The following PUM1 variants were observed in gnomAD, a reference collection of about 807,000 sequenced individuals.
PUM1 encodes the protein pumilio homolog 1.
In PUM1, 13 loss-of-function variants were observed where a neutral mutation model predicts 131.8. The ratio of observed to expected loss-of-function variants is 0.10; its 90% CI spans 0.06 to 0.16. The LOEUF (loss-of-function observed/expected upper bound fraction) is 0.16. Ranked by LOEUF, PUM1 falls within the 10% of genes least tolerant of loss-of-function variation. The pLI is 1.00. For synonymous variants in PUM1, 509 were observed against 556.5 expected (o/e 0.91, Z 1.20); for missense variants, 961 against 1,512.4 (o/e 0.64, Z 6.05).
intron 3 of PUM1, among the ~76,000 whole-genome samples, chr1:31,018,784 T>G (rs976025140): frequency 6.6e-6 from 1 of 152,186 alleles, no homozygotes; most frequent in African/African-American, 2.4e-5. Flanking sequence ...GTTCTTTTAA[T>G]TAGGAATCTA....
chr1:31,061,959 A>C (rs1181042945), intron 1 of PUM1: 1 of 152,250 alleles, frequency 6.6e-6, no homozygotes, highest in Non-Finnish European at 1.5e-5. Flanking sequence ...AAGCTTCAAC[A>C]CGGTAATAGT....
chr1:30,974,520 G>GAC, intron 10 of PUM1, 131 bp downstream of exon 10: 1 of 882,850 alleles, frequency 1.1e-6, no homozygotes, highest in Non-Finnish European at 1.7e-6. Flanking sequence ...CCTGAACTCA[G>GAC]ACACACATAT....
In PUM1 at chr1:30,933,382, G is replaced by A. The variant is rs547249585; in HGVS notation, c.3436-40C>T. ...CAGTCTGTGTTACATGGCCTGAGAT[G>A]AGACTTGGGGGCAGGCTTCCCGGAC... On this transcript the variant is annotated intron_variant, in intron 21 of 21. Transcript: ENST00000426105. The A allele has an allele frequency of 4.4e-6, 7 of 1,599,894 alleles. No individual in the cohort carries two copies. In the East Asian group the frequency reaches 1.6e-4, roughly 36 times the overall value.
At chr1:30,985,267 C>G (rs994133202) in intron 7 of PUM1, among the ~76,000 whole-genome samples, 3 of 152,124 alleles carry the variant, frequency 2.0e-5, no homozygotes, top group Non-Finnish European at 4.4e-5. Flanking sequence ...AGACTCAGCC[C>G]TTCTGAGAGT....
intron 3 of PUM1, among the ~76,000 whole-genome samples, chr1:31,014,349 T>TA (rs1174796592): frequency 1.5e-4 from 16 of 109,488 alleles, no homozygotes; most frequent in African/African-American, 4.0e-4. Flanking sequence ...CTTGTAAAAA[T>TA]AAAAAAAAGT....
At chr1:31,048,170 C>CA (rs1190764346) in intron 2 of PUM1, among the ~76,000 whole-genome samples, 1 of 150,736 alleles carries the variant, frequency 6.6e-6, no homozygotes, top group Non-Finnish European at 1.5e-5. Context: ...ACCCAGGAGG[C>CA]AGAGCTTGCA....
chr1:31,004,684 C>T (rs1273378856), intron 5 of PUM1, among the ~76,000 whole-genome samples: 1 of 152,164 alleles, frequency 6.6e-6, no homozygotes, highest in Non-Finnish European at 1.5e-5. Flanking sequence ...AAGAACTGTA[C>T]TTGACACTTG....
At chr1:30,953,578 A>G in intron 15 of PUM1, 136 bp downstream of exon 15, 1 of 901,814 alleles carries the variant, frequency 1.1e-6, no homozygotes, top group Non-Finnish European at 1.7e-6. Context: ...CCTATGAAAT[A>G]ATGTGATGCA....
chr1:30,950,087 A>G (rs2124408868), intron 17 of PUM1, 40 bp downstream of exon 17: 1 of 1,595,122 alleles, frequency 6.3e-7, no homozygotes, highest in South Asian at 1.1e-5. Flanking sequence ...ACCATGGAGA[A>G]ACATCAAACA....
intron 20 of PUM1, among the ~76,000 whole-genome samples, chr1:30,937,388 C>T (rs1396190081): frequency 6.6e-6 from 1 of 152,156 alleles, no homozygotes; most frequent in Non-Finnish European, 1.5e-5. Flanking sequence ...TGCCTGTAAT[C>T]CCAGCTACTT....
At chr1:31,015,401 G>T (rs954007064) in intron 3 of PUM1, among the ~76,000 whole-genome samples, 1 of 151,184 alleles carries the variant, frequency 6.6e-6, no homozygotes, top group African/African-American at 2.4e-5. Flanking sequence ...GAGTGCAGTG[G>T]CATGATCTCG....
At chr1:31,011,164 T>TACACACACACACACACACACAC (rs138764103) in intron 3 of PUM1, among the ~76,000 whole-genome samples, 17 of 142,976 alleles carry the variant, frequency 1.2e-4, no homozygotes, top group Non-Finnish European at 2.1e-4. Context: ...TCTCTTAAAA[T>TACACACACACACACACACACAC]ACACACACAC....
At chr1:30,991,040 T>C (rs1641768226) in intron 7 of PUM1, among the ~76,000 whole-genome samples, 1 of 150,630 alleles carries the variant, frequency 6.6e-6, no homozygotes, top group Non-Finnish European at 1.5e-5. Flanking sequence ...AAAAAGAATA[T>C]CAACTCTGAT....
rs572352028 is a variant in PUM1, at chr1:30,997,412, C to A, written c.721-2192G>T. On this transcript the variant is annotated intron_variant, in intron 5 of 21. Coordinates refer to ENST00000426105, the MANE Select transcript of PUM1 (RefSeq NM_001020658.2). ...ACTCGGGAGGCTGAGGCAGGACAAT[C>A]GCTTGAACCCAGGAGGCAGGGGTTG... 4.5e-4 allele frequency among the ~76,000 whole-genome samples: 69 copies of A among 151,694 alleles called. 1 individual carries two copies. Among genetic ancestry groups the A allele is most frequent in the African/African-American group, 1.6e-3 (67 of 41,348 alleles).
intron 3 of PUM1, among the ~76,000 whole-genome samples, chr1:31,017,958 T>C (rs1266243520): frequency 1.3e-5 from 2 of 152,080 alleles, no homozygotes; most frequent in African/African-American, 4.8e-5. Context: ...AATCCAGATG[T>C]GAAATGGTAA....
chr1:31,006,773 C>A (rs1309961401), intron 4 of PUM1, among the ~76,000 whole-genome samples: 9 of 152,190 alleles, frequency 5.9e-5, no homozygotes, highest in Non-Finnish European at 1.3e-4. Context: ...AGACCATTCC[C>A]CTGTGGCTAG....
At chr1:30,948,182 T>C (rs1021004263) in intron 17 of PUM1, among the ~76,000 whole-genome samples, 3 of 152,038 alleles carry the variant, frequency 2.0e-5, no homozygotes, top group African/African-American at 7.2e-5. Flanking sequence ...AATACAATTA[T>C]AGGAATGATG....
chr1:30,933,478 A>ACACACACACC, intron 21 of PUM1, 136 bp from the exon 22 acceptor site: 1 of 840,398 alleles, frequency 1.2e-6, no homozygotes, highest in Non-Finnish European at 1.9e-6. Flanking sequence ...ACACACACAC[A>ACACACACACC]CACACACCCC....
At chr1:31,051,702 G>A (rs112217960) in intron 2 of PUM1, among the ~76,000 whole-genome samples, 60 of 152,140 alleles carry the variant, frequency 3.9e-4, no homozygotes, top group African/African-American at 1.3e-3. Context: ...CTAAAAGAGT[G>A]CAAGCAAAGT....
Sources: gnomAD v4.1 joint callset for allele counts (sites outside exome capture counted in the v4.1 genomes callset) on GRCh38, gnomAD v4.1.1 for gene constraint, MANE v1.5 for transcripts, NCBI Gene and HGNC (gene_info 2026-07-23, HGNC 2026-07-21) for gene names.